FOCAD: variants seen among roughly 807,000 people sequenced by gnomAD.
The protein encoded by FOCAD is KIAA1797.
In FOCAD, 198 loss-of-function variants were observed where a neutral mutation model predicts 225.6. The observed-to-expected ratio is 0.88, with a 90% CI of 0.78 to 0.99. The LOEUF (loss-of-function observed/expected upper bound fraction) is 0.99. FOCAD is among the 50% of genes least tolerant of loss of function. FOCAD has a pLI of 0.00. For synonymous variants in FOCAD, 897 were observed against 755.0 expected, an observed-to-expected ratio of 1.19 and a Z score of -3.08; for missense variants, 2,713 against 2,123.6, an observed-to-expected ratio of 1.28 and a Z score of -5.46.
chr9:20,911,138 C>T (rs1833404463), intron 22 of FOCAD, among the ~76,000 whole-genome samples: 1 of 151,994 alleles, frequency 6.6e-6, no homozygotes, highest in Admixed American at 6.6e-5. Context: ...CTTTGTTTTG[C>T]CTGGACTCCT....
chr9:20,915,046 T>G (rs1833758511), intron 23 of FOCAD, among the ~76,000 whole-genome samples: 1 of 152,150 alleles, frequency 6.6e-6, no homozygotes, highest in Non-Finnish European at 1.5e-5. Context: ...GGCATTTCCA[T>G]TTAAGACAAG....
At chr9:20,898,161 T>TA (rs1422422234) in intron 21 of FOCAD, among the ~76,000 whole-genome samples, 2 of 151,816 alleles carry the variant, frequency 1.3e-5, no homozygotes, top group African/African-American at 4.8e-5. Flanking sequence ...TTTCAGAATT[T>TA]AAAAAAATCA....
Position 20,890,426 on chromosome 9 carries a change from G to T in FOCAD, c.2625+5196G>T, listed in dbSNP as rs535848300. 6.5e-3 allele frequency among the ~76,000 whole-genome samples: 932 copies of T among 142,434 alleles called. 10 individuals carry two copies. The highest frequency in any genetic ancestry group is 0.035 in the Middle Eastern group (10 of 282). The allele number at this position is 142,434 out of a possible 152,430, so 93.4% of individuals were successfully genotyped here. ...TTAAATTTTGTAAAATGCTTTTTCT[G>T]TATCAATTGAGATGATTCAACGCTT... On this transcript the variant is annotated intron_variant, in intron 21 of 43. Coordinates refer to ENST00000338382, the MANE Select transcript of FOCAD (RefSeq NM_001375567.1).
chr9:20,859,975 A>C (rs960030461), intron 15 of FOCAD, among the ~76,000 whole-genome samples: 1 of 152,026 alleles, frequency 6.6e-6, no homozygotes, highest in Non-Finnish European at 1.5e-5. Context: ...AAATGTTCCA[A>C]ACTTGAATGT....
intron 1 of FOCAD, 56 bp downstream of exon 1, chr9:20,684,349 GGGTCGCGCCGCCTGCGGCCC>G (rs1231795333): frequency 6.6e-6 from 1 of 152,534 alleles, no homozygotes; most frequent in Non-Finnish European, 1.5e-5. Context: ...GGGAGCCGCC[GGGTCGCGCCGCCTGCGGCCC>G]GGTCGGCTTG....
intron 16 of FOCAD, chr9:20,863,366 G>A (rs1828950684): frequency 6.6e-6 from 1 of 151,544 alleles, no homozygotes; most frequent in Non-Finnish European, 1.5e-5. Flanking sequence ...CACAGACTTT[G>A]ATAAACTGCC....
chr9:20,933,132 G>T (rs1317596934), intron 28 of FOCAD, 29 bp downstream of exon 28: 1 of 1,515,838 alleles, frequency 6.6e-7, no homozygotes, highest in Non-Finnish European at 9.2e-7. Context: ...CACTCTCACA[G>T]GTACTTAGAC....
intron 27 of FOCAD, among the ~76,000 whole-genome samples, chr9:20,931,271 T>C (rs1835442634): frequency 6.6e-6 from 1 of 152,180 alleles, no homozygotes; most frequent in South Asian, 2.1e-4. Context: ...ATCAGGAAGC[T>C]CCTTCCTTAG....
intron 22 of FOCAD, among the ~76,000 whole-genome samples, chr9:20,907,691 C>T (rs1160378133): frequency 3.3e-5 from 5 of 152,082 alleles, no homozygotes; most frequent in Admixed American, 6.6e-5. Context: ...AGCATGTCTT[C>T]CCTAACCTCT....
intron 4 of FOCAD, among the ~76,000 whole-genome samples, chr9:20,739,543 C>T (rs1017098620): frequency 2.7e-5 from 4 of 150,844 alleles, no homozygotes; most frequent in African/African-American, 9.8e-5. Flanking sequence ...ATGGAGGTTG[C>T]AGTGAGCCGA....
In FOCAD at chr9:20,866,917, T is replaced by TTTTAAAAAAA; in HGVS notation, c.2107-12_2107-11insTTTAAAAAAA. On this transcript the variant is annotated splice_polypyrimidine_tract_variant and intron_variant, in intron 17 of 43. Transcript: ENST00000338382. ...TTTTTTTTTTTTTTTTTTTTTTTTT[T>TTTTAAAAAAA]ACCCTATCTAGGACCCAATTGTAGC... 5 of 764,962 alleles carry TTTTAAAAAAA rather than the reference T, an allele frequency of 6.5e-6. No individual in the cohort carries two copies. Among genetic ancestry groups the TTTTAAAAAAA allele is most frequent in the Non-Finnish European group, 1.0e-5 (5 of 498,458 alleles). 47.4% of individuals were successfully genotyped at this position (764,962 alleles called of 1,614,324 possible).
At chr9:20,920,919 T>A (rs1240662557) in intron 24 of FOCAD, among the ~76,000 whole-genome samples, 2 of 151,194 alleles carry the variant, frequency 1.3e-5, no homozygotes, top group African/African-American at 2.4e-5. Context: ...CATATGTAAC[T>A]AACCTGCACA....
At chr9:20,723,025 G>A (rs1280478897) in intron 4 of FOCAD, among the ~76,000 whole-genome samples, 2 of 152,132 alleles carry the variant, frequency 1.3e-5, no homozygotes, top group Non-Finnish European at 2.9e-5. Context: ...TTTAATTCTA[G>A]AAGATAATCT....
chr9:20,702,195 A>T (rs1587266681), intron 1 of FOCAD, among the ~76,000 whole-genome samples: 1 of 152,204 alleles, frequency 6.6e-6, no homozygotes, highest in East Asian at 1.9e-4. Flanking sequence ...CTTAATCTCC[A>T]GTGCTCAAAT....
At chr9:20,755,333 C>G (rs920138898) in intron 5 of FOCAD, among the ~76,000 whole-genome samples, 3 of 152,166 alleles carry the variant, frequency 2.0e-5, no homozygotes, top group Admixed American at 2.0e-4. Flanking sequence ...TCTGCTGAAT[C>G]CAATAGCTAG....
intron 15 of FOCAD, among the ~76,000 whole-genome samples, chr9:20,829,999 G>C (rs544654451): frequency 2.0e-4 from 31 of 151,932 alleles, no homozygotes; most frequent in Non-Finnish European, 4.1e-4. Flanking sequence ...TCTTCTGAGA[G>C]GTTGACAAAA....
At chr9:20,858,748 G>T (rs887916820) in intron 15 of FOCAD, among the ~76,000 whole-genome samples, 1 of 151,954 alleles carries the variant, frequency 6.6e-6, no homozygotes, top group Admixed American at 6.6e-5. Flanking sequence ...TTTCCTCTTA[G>T]TACTGCTTTT....
intron 16 of FOCAD, chr9:20,863,297 A>C (rs1828943620): frequency 6.6e-6 from 1 of 152,016 alleles, no homozygotes; most frequent in African/African-American, 2.4e-5. Flanking sequence ...TTTCCTTCAA[A>C]GAGCAGCAGT....
chr9:20,937,810 G>A (rs532256362), intron 28 of FOCAD, among the ~76,000 whole-genome samples: 52 of 152,124 alleles, frequency 3.4e-4, no homozygotes, highest in Admixed American at 1.8e-3. Context: ...GAATGGGAGA[G>A]AATTTTTGCA....
Sources: allele counts gnomAD v4.1 joint callset (sites outside exome capture counted in the v4.1 genomes callset), GRCh38; gene constraint gnomAD v4.1.1; transcripts MANE v1.5; gene names NCBI Gene and HGNC (gene_info 2026-07-23, HGNC 2026-07-21).